DNAI3: variants seen among roughly 807,000 people sequenced by gnomAD.
The protein encoded by DNAI3 is WD repeat domain 63.
DNAI3 carries 83 observed loss-of-function variants against 115.5 expected under a neutral mutation model. The observed-to-expected ratio is 0.72, with a 90% CI of 0.60 to 0.86. The LOEUF is 0.86. Ranked by LOEUF, DNAI3 falls within the 40% of genes least tolerant of loss-of-function variation. The pLI is 0.00. For synonymous variants in DNAI3, 320 were observed against 347.0 expected, an observed-to-expected ratio of 0.92 and a Z score of 0.86; for missense variants, 1,004 against 1,075.8, an observed-to-expected ratio of 0.93 and a Z score of 0.93.
intron 8 of DNAI3, 71 bp downstream of exon 8, chr1:85,090,303 A>G: frequency 1.2e-6 from 1 of 819,058 alleles, no homozygotes; most frequent in Non-Finnish European, 1.8e-6. Context: ...TAACAGGTCT[A>G]AATAAACAAT....
chr1:85,066,323 T>A (rs1224085023), intron 1 of DNAI3, among the ~76,000 whole-genome samples: 1 of 125,390 alleles, frequency 8.0e-6, no homozygotes, highest in Non-Finnish European at 1.7e-5. Flanking sequence ...TCTTTTTTTT[T>A]TTTTTTTTTT....
At chr1:85,063,114 G>A (rs2100546307) in intron 1 of DNAI3, among the ~76,000 whole-genome samples, 2 of 152,270 alleles carry the variant, frequency 1.3e-5, no homozygotes, top group Middle Eastern at 6.8e-3. Context: ...AATCTTTTAG[G>A]AAGCTCAGAG....
chr1:85,109,911 G>T, intron 15 of DNAI3, 137 bp from the exon 16 acceptor site: 1 of 717,876 alleles, frequency 1.4e-6, no homozygotes, highest in South Asian at 2.0e-5. Context: ...AGAAATTTGA[G>T]GGAGGAAAGG....
chr1:85,099,821 A>G (rs920570693), intron 13 of DNAI3, among the ~76,000 whole-genome samples: 1 of 152,224 alleles, frequency 6.6e-6, no homozygotes, highest in Non-Finnish European at 1.5e-5. Context: ...AATGCCGCAT[A>G]TCTACAACCA....
At chr1:85,119,697 TC>T (rs2100609689) in intron 17 of DNAI3, among the ~76,000 whole-genome samples, 1 of 151,942 alleles carries the variant, frequency 6.6e-6, no homozygotes, top group East Asian at 1.9e-4. Flanking sequence ...TTTCCTTTTT[TC>T]TTTTTTCTTT....
intron 17 of DNAI3, among the ~76,000 whole-genome samples, 188 bp from the exon 18 acceptor site, chr1:85,121,563 T>C (rs1222508794): frequency 6.6e-6 from 1 of 152,238 alleles, no homozygotes; most frequent in African/African-American, 2.4e-5. Flanking sequence ...AAACTCATTG[T>C]TTCTTCAATA....
intron 13 of DNAI3, among the ~76,000 whole-genome samples, chr1:85,103,888 AAATAATAATAATAAT>A (rs71075819): frequency 1.4e-3 from 203 of 140,436 alleles, no homozygotes; most frequent in Middle Eastern, 3.6e-3. Context: ...TGCCTTCTCA[AAATAATAATAATAAT>A]AATAATAATA....
Position 85,081,216 on chromosome 1 carries a change from C to A in DNAI3, c.104-18C>A. 6.5e-7 allele frequency: 1 copy of A among 1,531,816 alleles called. No individual in the cohort carries two copies. Among genetic ancestry groups the A allele is most frequent in the Non-Finnish European group, 8.7e-7 (1 of 1,152,324 alleles). The allele number at this position is 1,531,816 out of a possible 1,614,324, so 94.9% of individuals were successfully genotyped here. On this transcript the variant is annotated intron_variant, in intron 3 of 22. Transcript: ENST00000294664. ...AGTGGTCATATTTAATGTCCAAATT[C>A]CACTTTGTCTTTCCTAGGTCATCCA...
chr1:85,110,227 G>T lies in DNAI3; in HGVS notation c.1786+92G>T. On this transcript the variant is annotated intron_variant, in intron 16 of 22. Transcript: ENST00000294664. ...AGCACTTCGGGAGGCTGAGGCGGGC[G>T]GATCACGAGGTCAGCAGATCGAGAT... 5.6e-6 allele frequency: 6 copies of T among 1,068,220 alleles called. No homozygotes were observed. The South Asian group carries it at 8.0e-5, about 14-fold the overall frequency. The allele number at this position is 1,068,220 out of a possible 1,614,324, so 66.2% of individuals were successfully genotyped here.
chr1:85,092,030 C>T (rs1243469047), intron 8 of DNAI3, among the ~76,000 whole-genome samples: 1 of 152,172 alleles, frequency 6.6e-6, no homozygotes, highest in Non-Finnish European at 1.5e-5. Context: ...CTACTGGAAA[C>T]TGTTTAAGCC....
chr1:85,084,720 A>T (rs185624699), intron 6 of DNAI3, 25 bp downstream of exon 6: 1 of 1,431,966 alleles, frequency 7.0e-7, no homozygotes, highest in East Asian at 2.7e-5. Flanking sequence ...TATGATCTGT[A>T]ATCATTACCT....
chr1:85,113,595 C>G (rs1028922827), intron 16 of DNAI3, among the ~76,000 whole-genome samples: 63 of 152,072 alleles, frequency 4.1e-4, no homozygotes, highest in African/African-American at 1.5e-3. Flanking sequence ...TTTGATTATG[C>G]TAGCTTTATA....
chr1:85,130,032 C>A lies in DNAI3; in HGVS notation c.2452C>A (p.Leu818Met). The change falls in exon 22 of 23, where the codon CTG becomes ATG. Residue 818 changes from leucine (L) to methionine (M), a missense_variant. Physicochemically the swap from Leu to Met is conservative, Grantham distance 15. Coordinates refer to ENST00000294664, the MANE Select transcript of DNAI3 (RefSeq NM_145172.5). ...CTATTTTGAAAGAGAAGTCAAGCAT[C>A]TGGAATACGTAGAACAGCGCAAAAA... is the stretch of plus-strand genomic sequence containing the variant. The part of the protein sequence containing the change: ...NHYFEREVKH[L>M]EYVEQRKKIR... The A allele has an allele frequency of 6.2e-7, 1 of 1,613,026 alleles. No homozygotes were observed. Among genetic ancestry groups the A allele is most frequent in the African/African-American group, 1.3e-5 (1 of 74,912 alleles).
rs755271462 is a variant in DNAI3 at position 85,108,022 on chromosome 1, AT to A, written c.1554-3del. The A allele has an allele frequency of 5.5e-5, 83 of 1,504,716 alleles. No individual in the cohort carries two copies. Among genetic ancestry groups the A allele is most frequent in the South Asian group, 4.7e-4 (35 of 74,216 alleles). 93.2% of individuals were successfully genotyped at this position (1,504,716 alleles called of 1,614,324 possible). ...TGTACTTAATAAAAAATATATATAA[AT>A]TTTTTTTAGCACAATATGTTTTTGG... is the stretch of plus-strand genomic sequence containing the variant. On this transcript the variant is annotated splice_polypyrimidine_tract_variant and intron_variant, in intron 14 of 22. Coordinates refer to ENST00000294664, the MANE Select transcript of DNAI3 (RefSeq NM_145172.5).
chr1:85,090,121 A>G lies in DNAI3; in HGVS notation c.746A>G (p.Tyr249Cys). 3 of 1,533,376 alleles carry G rather than the reference A, an allele frequency of 2.0e-6. No individual in the cohort carries two copies. Among genetic ancestry groups the G allele is most frequent in the African/African-American group, 1.4e-5 (1 of 72,062 alleles). 95.0% of individuals were successfully genotyped at this position (1,533,376 alleles called of 1,614,324 possible). A position where few individuals can be genotyped will look rare whatever the true frequency, so the allele number is the denominator to read the frequency against. Reference sequence around the variant, plus strand: ...ATTTTCTTTTAATATATTAGGACATATCCTAAAAATGCTACTACGCAATAT... The same window carrying G: ...ATTTTCTTTTAATATATTAGGACATGTCCTAAAAATGCTACTACGCAATAT... Reference protein sequence around the residue: ...KDISTQTKWTYPKNATTQYYP... With the variant: ...KDISTQTKWTCPKNATTQYYP... Residue 249 changes from tyrosine (Y) to cysteine (C), a missense_variant, in exon 8 of 23, where the codon TAT becomes TGT. Physicochemically the swap from Tyr to Cys is radical, Grantham distance 194. This residue lies in a region of DNAI3 where 550 missense variants were observed against 568.1 expected (regional missense o/e 0.97). Coordinates refer to ENST00000294664, the MANE Select transcript of DNAI3 (RefSeq NM_145172.5).
chr1:85,117,613 T>C (rs1311538333), intron 16 of DNAI3, 116 bp from the exon 17 acceptor site: 5 of 1,391,942 alleles, frequency 3.6e-6, no homozygotes, highest in Non-Finnish European at 4.9e-6. Flanking sequence ...GCTCACTACA[T>C]TGGGAAGGGA....
In DNAI3 at chr1:85,093,454, T is replaced by G. The variant is rs1277977695; in HGVS notation, c.858-4T>G. The G allele has an allele frequency of 2.5e-6, 4 of 1,612,186 alleles. No homozygotes were observed. The highest frequency in any genetic ancestry group is 3.4e-6 in the Non-Finnish European group (4 of 1,179,262). ...TAATTGCTTTTTTTATTTTTACAAATTAGTGTTGAAATAGCCCTGCAGCAA... is the reference window on the plus strand; with the variant it reads ...TAATTGCTTTTTTTATTTTTACAAAGTAGTGTTGAAATAGCCCTGCAGCAA... On this transcript the variant is annotated splice_polypyrimidine_tract_variant and splice_region_variant and intron_variant, in intron 8 of 22. Coordinates refer to ENST00000294664, the MANE Select transcript of DNAI3 (RefSeq NM_145172.5).
At chr1:85,121,033 C>G (rs112604386) in intron 17 of DNAI3, among the ~76,000 whole-genome samples, 3,299 of 152,238 alleles carry the variant, frequency 0.022, 123 homozygotes, top group African/African-American at 0.075. Context: ...ATTAGGAGAT[C>G]GCATGGGGTG....
At chr1:85,078,601 T>G (rs1654534957) in intron 3 of DNAI3, among the ~76,000 whole-genome samples, 1 of 152,234 alleles carries the variant, frequency 6.6e-6, no homozygotes, top group African/African-American at 2.4e-5. Context: ...TATGGTGCTG[T>G]TCTCAGTGTG....
Sources: gnomAD v4.1 joint callset for allele counts (sites outside exome capture counted in the v4.1 genomes callset) on GRCh38, gnomAD v4.1.1 for gene constraint, gnomAD v4.1.1 regional missense constraint, MANE v1.5 for transcripts, NCBI Gene and HGNC (gene_info 2026-07-23, HGNC 2026-07-21) for gene names.